Variants in SARDH observed in about 807,000 individuals in gnomAD.
SARDH encodes sarcosine dehydrogenase, mitochondrial.
In SARDH, 95 loss-of-function variants were observed where a neutral mutation model predicts 109.1. The observed-to-expected ratio is 0.87, with a 90% CI of 0.74 to 1.03. The LOEUF (loss-of-function observed/expected upper bound fraction) is 1.03, where lower values mean the gene tolerates loss of function less well. SARDH is among the 50% of genes least tolerant of loss of function. The pLI is 0.00. For synonymous variants in SARDH, 572 were observed against 534.8 expected (o/e 1.07, Z -0.96); for missense variants, 1,267 against 1,287.8 (o/e 0.98, Z 0.25).
At chr9:133,730,334 C>T in intron 4 of SARDH, 147 bp from the exon 5 acceptor site, 1 of 1,058,864 alleles carries the variant, frequency 9.4e-7, no homozygotes, top group East Asian at 2.6e-5. Flanking sequence ...GTCAGGGAAA[C>T]CGGATGACCA....
chr9:133,734,428 C>CTCAT (rs1162231275), intron 1 of SARDH, among the ~76,000 whole-genome samples: 1,549 of 142,710 alleles, frequency 0.011, 33 homozygotes, highest in Non-Finnish European at 0.013. Flanking sequence ...CATTCATTCA[C>CTCAT]TCATTCATTC....
intron 18 of SARDH, among the ~76,000 whole-genome samples, 188 bp from the exon 19 acceptor site, chr9:133,670,940 C>A (rs1199898949): frequency 6.6e-6 from 1 of 152,150 alleles, no homozygotes; most frequent in African/African-American, 2.4e-5. Context: ...ACCGCTCCCC[C>A]GAGCAGACTG....
chr9:133,700,873 C>T (rs995137053), intron 13 of SARDH, among the ~76,000 whole-genome samples: 2 of 152,144 alleles, frequency 1.3e-5, no homozygotes, highest in African/African-American at 4.8e-5. Flanking sequence ...CTCAACATGC[C>T]CCCCACTGCT....
downstream of SARDH, among the ~76,000 whole-genome samples, chr9:133,660,092 A>G (rs922518158): frequency 6.3e-5 from 7 of 111,974 alleles, no homozygotes; most frequent in Admixed American, 1.3e-4. Context: ...TCTTGCTCTC[A>G]GGCTGGTTAT....
intron 17 of SARDH, among the ~76,000 whole-genome samples, chr9:133,677,580 G>T (rs1830560699): frequency 6.6e-6 from 1 of 152,196 alleles, no homozygotes; most frequent in African/African-American, 2.4e-5. Context: ...GAACTAATCA[G>T]TCCCCTGGAG....
Position 133,729,746 on chromosome 9 carries a change from C to T in SARDH, c.915+19G>A, listed in dbSNP as rs1255906152. 1.9e-6 allele frequency: 3 copies of T among 1,606,162 alleles called. No individual in the cohort carries two copies. The highest frequency in any genetic ancestry group is 1.7e-6 in the Non-Finnish European group (2 of 1,175,678). The stretch of plus-strand genomic sequence containing the variant: ...GTGCCCCCCACAGACTGACACAGAA[C>T]CCGGGGCTGTCCACCTACCTGAATC... On this transcript the variant is annotated intron_variant, in intron 6 of 20. Transcript: ENST00000439388.
intron 4 of SARDH, among the ~76,000 whole-genome samples, chr9:133,730,524 T>C (rs1455340983): frequency 2.3e-5 from 1 of 44,190 alleles, no homozygotes; most frequent in East Asian, 6.1e-4. Flanking sequence ...AGTCTACTGC[T>C]TGGTAAAAAA....
chr9:133,728,676 A>C lies in SARDH; in HGVS notation c.915+1089T>G, dbSNP rs1434427574. Among the ~76,000 whole-genome samples, 1 of 152,220 alleles carries C rather than the reference A, an allele frequency of 6.6e-6. No homozygotes were observed. The highest frequency in any genetic ancestry group is 2.4e-5 in the African/African-American group (1 of 41,456). On this transcript the variant is annotated intron_variant, in intron 6 of 20. Transcript: ENST00000439388. The surrounding 1 kb of genome is among the most constrained non-coding windows in gnomAD (Gnocchi z 5.0). ...TCTGTACCTCCCCCCAGCTCTACCCAGCAAGAACTAGGTGTCTGTCTGTGT... is the reference window on the plus strand; with the variant it reads ...TCTGTACCTCCCCCCAGCTCTACCCCGCAAGAACTAGGTGTCTGTCTGTGT...
rs567075397 is a variant in SARDH, at chr9:133,703,376, G to A, written c.1555-347C>T. ...GCTCCCTGGAGCCACGGCAATCCCA[G>A]GCCCAGCTCCTGCTCTGGGCCAGCC... On this transcript the variant is annotated intron_variant, in intron 12 of 20. Transcript: ENST00000439388. 1,004 of 338,108 alleles carry A rather than the reference G, an allele frequency of 3.0e-3. 3 individuals carry two copies. Among genetic ancestry groups the A allele is most frequent in the Non-Finnish European group, 4.1e-3 (728 of 177,328 alleles). 20.9% of individuals were successfully genotyped at this position (338,108 alleles called of 1,614,324 possible). A position where few individuals can be genotyped will look rare whatever the true frequency, so the allele number is the denominator to read the frequency against.
rs981606186 is a variant in SARDH, at chr9:133,671,704, G to A, written c.2164-7C>T. 5.1e-6 allele frequency: 8 copies of A among 1,563,060 alleles called. No homozygotes were observed. The African/African-American group carries it at 9.5e-5, about 19-fold the overall frequency. Reference sequence around the variant, plus strand: ...ACAGCCGCATGGCTCGGACCTGGGGGACAAGGTCATGGCTTAGATGTGGCC... The same window carrying A: ...ACAGCCGCATGGCTCGGACCTGGGGAACAAGGTCATGGCTTAGATGTGGCC... On this transcript the variant is annotated splice_polypyrimidine_tract_variant and splice_region_variant and intron_variant, in intron 17 of 20. Transcript: ENST00000439388.
intron 17 of SARDH, among the ~76,000 whole-genome samples, chr9:133,676,921 T>C (rs979727021): frequency 6.6e-6 from 1 of 152,186 alleles, no homozygotes; most frequent in Non-Finnish European, 1.5e-5. Context: ...GGCGGATCAC[T>C]TGAGGCCAGG....
chr9:133,739,793 G>A (rs967229532), upstream of SARDH: 5 of 152,396 alleles, frequency 3.3e-5, no homozygotes, highest in Middle Eastern at 6.8e-3. Flanking sequence ...ACAGGGTGAC[G>A]AATGAGCTCA....
Position 133,708,351 on chromosome 9 carries a change from G to A in SARDH, c.1406C>T (p.Ser469Phe), listed in dbSNP as rs751947177. The change falls in exon 11 of 21, where the codon TCC becomes TTC. Residue 469 changes from serine (S) to phenylalanine (F), a missense_variant. By Grantham distance (155) the Ser-to-Phe change is radical. Transcript: ENST00000439388. ...CGGCTCATCGTGGGGGAAGACGACG[G>A]AGTAGTTCTTGGCGTAGGACTCATG... ...RSHESYAKNYSVVFPHDEPLA... is the reference protein window; with the variant it reads ...RSHESYAKNYFVVFPHDEPLA... 5 of 1,613,294 alleles carry A rather than the reference G, an allele frequency of 3.1e-6. No homozygotes were observed. In the South Asian group the frequency reaches 4.4e-5, roughly 14 times the overall value.
chr9:133,703,276 C>T, intron 12 of SARDH: 1 of 533,916 alleles, frequency 1.9e-6, no homozygotes, highest in African/African-American at 1.9e-5. Context: ...GCCCAGGAGG[C>T]TGGAGGAGGA....
chr9:133,681,099 C>T (rs1830679742), intron 17 of SARDH, among the ~76,000 whole-genome samples: 3 of 152,360 alleles, frequency 2.0e-5, no homozygotes, highest in South Asian at 2.1e-4. Context: ...GAGCTCCTGG[C>T]TGGGGCTGTG....
chr9:133,689,349 G>A (rs1831009118), intron 16 of SARDH, among the ~76,000 whole-genome samples: 2 of 152,104 alleles, frequency 1.3e-5, no homozygotes, highest in African/African-American at 4.8e-5. Context: ...ACCCTGTCCA[G>A]CCCCAAGGCA....
intron 17 of SARDH, among the ~76,000 whole-genome samples, chr9:133,682,441 T>C (rs1454354714): frequency 6.6e-6 from 1 of 152,208 alleles, no homozygotes; most frequent in African/African-American, 2.4e-5. Flanking sequence ...AGAGGGGTTT[T>C]CGCTAACTCA....
At position 133,683,479 on chromosome 9, in the gene SARDH, C is replaced by T. The variant is rs775814812; in HGVS notation, c.2163+1714G>A. ...ACAAAGCTGGATGCTGCGTGGACCC[C>T]GGCCTGCTGGAGCTGGAGTCGGGCC... On this transcript the variant is annotated intron_variant, in intron 17 of 20. Transcript: ENST00000439388. Among the ~76,000 whole-genome samples, 31 of 152,238 alleles carry T rather than the reference C, an allele frequency of 2.0e-4. 1 individual carries two copies. Among genetic ancestry groups the T allele is most frequent in the Non-Finnish European group, 4.3e-4 (29 of 68,036 alleles).
rs760806131 is a variant in SARDH, at chr9:133,685,265, C to T, written c.2091G>A (p.Val697=). ...CCTCGTTGCTCAGGTCTGCGTCCAG[C>T]ACCTCCTGCAAAATGGCTCGGCTGC... The part of the protein sequence containing the change: ...GPASRAILQE[V]LDADLSNEAF... The change falls in exon 17 of 21, where the codon GTG becomes GTA. Residue 697 remains valine, a synonymous_variant. Transcript: ENST00000439388. 2.5e-6 allele frequency: 4 copies of T among 1,613,822 alleles called. No homozygotes were observed. Among genetic ancestry groups the T allele is most frequent in the Admixed American group, 1.7e-5 (1 of 59,998 alleles).
Sources: gnomAD v4.1 joint callset for allele counts (sites outside exome capture counted in the v4.1 genomes callset) on GRCh38, gnomAD v4.1.1 for gene constraint, Gnocchi (gnomAD v3.1) non-coding constraint, MANE v1.5 for transcripts, NCBI Gene and HGNC (gene_info 2026-07-23, HGNC 2026-07-21) for gene names.